Variants in CD96 observed in about 807,000 individuals in gnomAD.
The protein encoded by CD96 is T-cell surface protein tactile.
In CD96, 70 loss-of-function variants were observed where a neutral mutation model predicts 71.3. The observed-to-expected ratio is 0.98, with a 90% confidence interval of 0.81 to 1.20. The LOEUF (loss-of-function observed/expected upper bound fraction) is 1.20, where lower values mean the gene tolerates loss of function less well. Ranked by LOEUF, CD96 falls within the 50% of genes most tolerant of loss-of-function variation. CD96 has a pLI of 0.00. For missense variants in CD96, 742 were observed against 677.5 expected, an observed-to-expected ratio of 1.10 and a Z score of -1.06; for synonymous variants, 248 against 233.0, an observed-to-expected ratio of 1.06 and a Z score of -0.59.
chr3:111,648,149 A>T (rs1048535441), intron 13 of CD96, among the ~76,000 whole-genome samples: 1 of 152,166 alleles, frequency 6.6e-6, no homozygotes, highest in Non-Finnish European at 1.5e-5. Context: ...AGCAGAAAAG[A>T]AAGTAAGCAT....
chr3:111,569,518 A>C (rs1458804502), intron 3 of CD96, among the ~76,000 whole-genome samples: 1 of 152,234 alleles, frequency 6.6e-6, no homozygotes, highest in Non-Finnish European at 1.5e-5. Flanking sequence ...GAAATGTACT[A>C]TACTAAACCT....
At chr3:111,553,471 A>T (rs149892456) in intron 2 of CD96, among the ~76,000 whole-genome samples, 37 of 133,974 alleles carry the variant, frequency 2.8e-4, no homozygotes, top group African/African-American at 9.9e-4. Context: ...GTGATAGATG[A>T]TGCATAGTTA....
At chr3:111,552,245 G>T (rs1444712294) in intron 2 of CD96, among the ~76,000 whole-genome samples, 1 of 151,988 alleles carries the variant, frequency 6.6e-6, no homozygotes, top group Non-Finnish European at 1.5e-5. Flanking sequence ...TCCTGGAAAA[G>T]ATTTGTGGCA....
At chr3:111,607,094 C>T in intron 8 of CD96, 3 of 393,350 alleles carry the variant, frequency 7.6e-6, no homozygotes, top group Non-Finnish European at 1.4e-5. Flanking sequence ...AAGTATCATT[C>T]TCATGGCTTC....
chr3:111,659,115 G>T (rs1437809252), intron 14 of CD96, among the ~76,000 whole-genome samples: 2 of 152,290 alleles, frequency 1.3e-5, no homozygotes, highest in East Asian at 3.9e-4. Flanking sequence ...AATCTTGGGA[G>T]ATTGTGTGTT....
intron 7 of CD96, among the ~76,000 whole-genome samples, chr3:111,602,279 A>G (rs1937518275): frequency 6.6e-6 from 1 of 152,202 alleles, no homozygotes; most frequent in Non-Finnish European, 1.5e-5. Context: ...TGTAAAACTA[A>G]TATTTTCTGA....
intron 3 of CD96, chr3:111,570,922 C>A: frequency 6.3e-7 from 1 of 1,579,930 alleles, no homozygotes; most frequent in Non-Finnish European, 8.7e-7. Context: ...GTGCATGAGG[C>A]GCCAGCGTCA....
At position 111,598,963 on chromosome 3, in the gene CD96, T is replaced by TTTTAA. The variant is rs1179560697; in HGVS notation, c.898+757_898+758insATTTA. Among the ~76,000 whole-genome samples, 3 of 151,986 alleles carry TTTTAA rather than the reference T, an allele frequency of 2.0e-5. No individual in the cohort carries two copies. In the East Asian group the frequency reaches 5.8e-4, roughly 29 times the overall value. On this transcript the variant is annotated intron_variant, in intron 6 of 13. Coordinates refer to ENST00000352690, the MANE Select transcript of CD96 (RefSeq NM_005816.5). The stretch of plus-strand genomic sequence containing the variant: ...CACAACTCTTTCTGAATTATTTTTA[T>TTTTAA]TTTATTTTATTTTATTTTATTTTGA...
intron 10 of CD96, among the ~76,000 whole-genome samples, chr3:111,626,490 T>A (rs1357996462): frequency 6.6e-6 from 1 of 152,176 alleles, no homozygotes; most frequent in Non-Finnish European, 1.5e-5. Flanking sequence ...TATATGTTAC[T>A]GGTGGTACCA....
intron 7 of CD96, 130 bp downstream of exon 7, chr3:111,601,044 T>C: frequency 5.0e-6 from 3 of 597,908 alleles, no homozygotes; most frequent in Non-Finnish European, 8.8e-6. Context: ...AACTCAAAAC[T>C]ATTTCAAGTT....
intron 3 of CD96, among the ~76,000 whole-genome samples, chr3:111,578,474 CA>C (rs1936320735): frequency 1.3e-5 from 2 of 152,162 alleles, no homozygotes; most frequent in African/African-American, 4.8e-5. Flanking sequence ...CCCCAGGGCA[CA>C]AAATTTAAGG....
At chr3:111,658,554 G>A (rs1280810495) in intron 14 of CD96, among the ~76,000 whole-genome samples, 1 of 152,212 alleles carries the variant, frequency 6.6e-6, no homozygotes, top group East Asian at 1.9e-4. Context: ...TGGTCTCTAA[G>A]TGCCTCCCTG....
At chr3:111,635,569 T>C (rs1395213942) in intron 10 of CD96, among the ~76,000 whole-genome samples, 1 of 152,250 alleles carries the variant, frequency 6.6e-6, no homozygotes, top group African/African-American at 2.4e-5. Flanking sequence ...TATGTTAGGC[T>C]ATTTTGCTTG....
chr3:111,568,457 T>C (rs1219940782), intron 3 of CD96, among the ~76,000 whole-genome samples: 1 of 152,202 alleles, frequency 6.6e-6, no homozygotes, highest in African/African-American at 2.4e-5. Context: ...GGGCCAACTA[T>C]TAAGTTGCTT....
rs879050602 is a variant in CD96, at chr3:111,637,069, C to A, written c.1322-127C>A. On this transcript the variant is annotated intron_variant, in intron 10 of 13. Transcript: ENST00000352690. ...GGACATTCTTGTGTATGCTATGGAACAGTTTAATGATTTTGCTTTATGTAC... is the reference window on the plus strand; with the variant it reads ...GGACATTCTTGTGTATGCTATGGAAAAGTTTAATGATTTTGCTTTATGTAC... 17 of 698,820 alleles carry A rather than the reference C, an allele frequency of 2.4e-5. 1 individual carries two copies. The South Asian group carries it at 2.6e-4, about 11-fold the overall frequency. The allele number at this position is 698,820 out of a possible 1,614,324, so 43.3% of individuals were successfully genotyped here. A position where few individuals can be genotyped will look rare whatever the true frequency, so the allele number is the denominator to read the frequency against.
At chr3:111,599,622 G>A (rs1471404036) in intron 6 of CD96, among the ~76,000 whole-genome samples, 1 of 152,118 alleles carries the variant, frequency 6.6e-6, no homozygotes, top group Non-Finnish European at 1.5e-5. Flanking sequence ...TTGGGAGGCT[G>A]AGGCAGGAGA....
intron 2 of CD96, among the ~76,000 whole-genome samples, chr3:111,555,556 G>C (rs1934956536): frequency 6.6e-6 from 1 of 152,280 alleles, no homozygotes; most frequent in South Asian, 2.1e-4. Flanking sequence ...ATTAAAATGA[G>C]CCACTAGTTA....
intron 10 of CD96, among the ~76,000 whole-genome samples, chr3:111,635,353 A>G (rs1939276747): frequency 6.6e-6 from 1 of 152,234 alleles, no homozygotes; most frequent in Non-Finnish European, 1.5e-5. Context: ...AGTCAAAATT[A>G]GAAAAATAAC....
chr3:111,662,460 T>C (rs1940382127), intron 14 of CD96, among the ~76,000 whole-genome samples: 1 of 152,250 alleles, frequency 6.6e-6, no homozygotes, highest in Non-Finnish European at 1.5e-5. Context: ...CTACAAATTT[T>C]CCAACCTTTT....
Sources: gnomAD v4.1 joint callset for allele counts (sites outside exome capture counted in the v4.1 genomes callset) on GRCh38, gnomAD v4.1.1 for gene constraint, MANE v1.5 for transcripts, NCBI Gene and HGNC (gene_info 2026-07-23, HGNC 2026-07-21) for gene names.